Variants in VPS26A observed in about 807,000 individuals in gnomAD.
VPS26A encodes the protein VPS26 retromer complex component A.
Under a neutral mutation model 42.4 loss-of-function variants are expected in VPS26A, and 22 were observed. That is an observed-to-expected ratio of 0.52 (90% CI 0.37 to 0.74). VPS26A has a LOEUF of 0.74. Ranked by LOEUF, VPS26A falls within the 30% of genes least tolerant of loss-of-function variation. VPS26A has a pLI of 0.00. For missense variants in VPS26A, 276 were observed against 379.2 expected (o/e 0.73, Z 2.26); for synonymous variants, 110 against 123.5 (o/e 0.89, Z 0.73).
chr10:69,137,732 T>TTATACACATGTG (rs1419478816), intron 2 of VPS26A, among the ~76,000 whole-genome samples: 2 of 152,144 alleles, frequency 1.3e-5, no homozygotes, highest in African/African-American at 4.8e-5. Flanking sequence ...CTCAAGAGGA[T>TTATACACATGTG]TATACACATG....
chr10:69,143,884 T>TA (rs1204332848), intron 2 of VPS26A, among the ~76,000 whole-genome samples: 2 of 152,116 alleles, frequency 1.3e-5, no homozygotes, highest in African/African-American at 4.8e-5. Context: ...GCTCAGCTAA[T>TA]ATTTTACTAT....
chr10:69,151,284 C>CAAAAAAAAAAAAA lies in VPS26A; in HGVS notation c.154-4527_154-4526insAAAAAAAAAAAAA, dbSNP rs1162179375. The stretch of plus-strand genomic sequence containing the variant: ...CATGTCAAAAAAAAAAAAAAAAAAA[C>CAAAAAAAAAAAAA]ACACACACACACACAATTAGCCGGG... On this transcript the variant is annotated intron_variant, in intron 2 of 8. Coordinates refer to ENST00000263559, the MANE Select transcript of VPS26A (RefSeq NM_004896.5). 2.1e-4 allele frequency among the ~76,000 whole-genome samples: 23 copies of CAAAAAAAAAAAAA among 111,862 alleles called. 2 individuals are homozygous for CAAAAAAAAAAAAA. The highest frequency in any genetic ancestry group is 8.0e-4 in the African/African-American group (15 of 18,828). The allele number at this position is 111,862 out of a possible 152,430, so 73.4% of individuals were successfully genotyped here.
chr10:69,132,206 A>G (rs1311541607), intron 1 of VPS26A, among the ~76,000 whole-genome samples: 1 of 152,226 alleles, frequency 6.6e-6, no homozygotes, highest in Non-Finnish European at 1.5e-5. Flanking sequence ...CATAAATAAA[A>G]GTATAAATAA....
intron 2 of VPS26A, among the ~76,000 whole-genome samples, chr10:69,148,904 C>T (rs1025967276): frequency 2.0e-5 from 3 of 151,662 alleles, no homozygotes; most frequent in African/African-American, 4.9e-5. Context: ...TACAGGTGCC[C>T]GCCACCACGC....
chr10:69,141,334 C>G (rs1841034281), intron 2 of VPS26A, among the ~76,000 whole-genome samples: 1 of 152,168 alleles, frequency 6.6e-6, no homozygotes, highest in Non-Finnish European at 1.5e-5. Flanking sequence ...TAGCTGAGGG[C>G]CTTATTCTGT....
At chr10:69,157,335 CATT>C (rs1369095381) in intron 4 of VPS26A, among the ~76,000 whole-genome samples, 172 bp downstream of exon 4, 4 of 152,170 alleles carry the variant, frequency 2.6e-5, no homozygotes, top group African/African-American at 9.7e-5. Flanking sequence ...AGCGTTCTAA[CATT>C]ATAGAGTTAG....
At position 69,124,415 on chromosome 10, in the gene VPS26A, G is replaced by T. The variant is rs1003194398; in HGVS notation, c.3+135G>T. ...GCGGGGAGCGGGGTTAGGCCTGTCG[G>T]GCCACCCCTGGGTCTGGGAAAAGCT... On this transcript the variant is annotated intron_variant, in intron 1 of 8. Coordinates refer to ENST00000263559, the MANE Select transcript of VPS26A (RefSeq NM_004896.5). The T allele has an allele frequency of 3.0e-6, 3 of 1,001,254 alleles. No individual in the cohort carries two copies. In the African/African-American group the frequency reaches 5.1e-5, roughly 17 times the overall value. 62.0% of individuals were successfully genotyped at this position (1,001,254 alleles called of 1,614,324 possible).
chr10:69,153,887 A>G (rs540827164), intron 2 of VPS26A, among the ~76,000 whole-genome samples: 82 of 152,272 alleles, frequency 5.4e-4, no homozygotes, highest in African/African-American at 1.7e-3. Flanking sequence ...ACATCTTTCA[A>G]TAGTAGCCAG....
chr10:69,127,757 A>G (rs1840694678), intron 1 of VPS26A, among the ~76,000 whole-genome samples: 1 of 123,856 alleles, frequency 8.1e-6, no homozygotes, highest in South Asian at 2.4e-4. Flanking sequence ...TTTTTGAGAC[A>G]AGCTCTTGCT....
intron 5 of VPS26A, among the ~76,000 whole-genome samples, chr10:69,159,576 T>C (rs75274817): frequency 0.016 from 2,506 of 152,278 alleles, 73 homozygotes; most frequent in African/African-American, 0.058. Flanking sequence ...AGTGGTTATC[T>C]GTAAAGGATG....
intron 3 of VPS26A, 79 bp from the exon 4 acceptor site, chr10:69,156,928 T>A: frequency 7.6e-7 from 1 of 1,310,574 alleles, no homozygotes; most frequent in Middle Eastern, 2.8e-4. Context: ...TAAAAATCGT[T>A]TGTGTTTGAA....
chr10:69,125,575 G>T (rs1840632099), intron 1 of VPS26A, among the ~76,000 whole-genome samples: 1 of 151,860 alleles, frequency 6.6e-6, no homozygotes, highest in African/African-American at 2.4e-5. Context: ...AACTTAAAAG[G>T]TCCTCCTATT....
At position 69,173,491 on chromosome 10, in the gene VPS26A, A is replaced by T. The variant is rs1159836351; in HGVS notation, c.*2222A>T. Among the ~76,000 whole-genome samples, 1 of 152,058 alleles carries T rather than the reference A, an allele frequency of 6.6e-6. No homozygotes were observed. The highest frequency in any genetic ancestry group is 2.4e-5 in the African/African-American group (1 of 41,422). On this transcript the variant is annotated 3_prime_UTR_variant, in exon 9 of 9. Transcript: ENST00000263559. The stretch of plus-strand genomic sequence containing the variant: ...TTAACAATGAGCTGGGCATGGTGGC[A>T]TGCACCTGTATTTCCAGCTATTTAG...
At chr10:69,151,282 A>AC (rs1554854470) in intron 2 of VPS26A, among the ~76,000 whole-genome samples, 127 of 136,788 alleles carry the variant, frequency 9.3e-4, no homozygotes, top group South Asian at 1.8e-3. Flanking sequence ...AAAAAAAAAA[A>AC]ACACACACAC....
chr10:69,165,640 C>G (rs958983945), intron 6 of VPS26A, among the ~76,000 whole-genome samples: 1 of 152,088 alleles, frequency 6.6e-6, no homozygotes, highest in Non-Finnish European at 1.5e-5. Flanking sequence ...AACCCCATCT[C>G]TATCCCAAAA....
At chr10:69,143,172 A>G (rs1414802711) in intron 2 of VPS26A, among the ~76,000 whole-genome samples, 4 of 152,220 alleles carry the variant, frequency 2.6e-5, no homozygotes, top group East Asian at 1.9e-4. Flanking sequence ...TGCCACACCA[A>G]TCTAGGGTTT....
Position 69,174,302 on chromosome 10 carries a change from G to C in VPS26A, c.*3033G>C, listed in dbSNP as rs1367914097. 2.6e-5 allele frequency among the ~76,000 whole-genome samples: 4 copies of C among 152,198 alleles called. No homozygotes were observed. Among genetic ancestry groups the C allele is most frequent in the African/African-American group, 4.8e-5 (2 of 41,446 alleles). On this transcript the variant is annotated 3_prime_UTR_variant, in exon 9 of 9. Coordinates refer to ENST00000263559, the MANE Select transcript of VPS26A (RefSeq NM_004896.5). ...CACGAATTTGAAATTACACTGAGGT[G>C]ATCATGCCACTGCACTGTAGCTTGG...
At chr10:69,152,712 G>T (rs542198710) in intron 2 of VPS26A, among the ~76,000 whole-genome samples, 1 of 152,260 alleles carries the variant, frequency 6.6e-6, no homozygotes, top group East Asian at 1.9e-4. Context: ...GCTCATGCCT[G>T]TAATCCCAGC....
chr10:69,155,530 CCTTT>C (rs1373752120), intron 2 of VPS26A, among the ~76,000 whole-genome samples: 11 of 152,240 alleles, frequency 7.2e-5, no homozygotes, highest in African/African-American at 2.2e-4. Flanking sequence ...GAAGGCTGTT[CCTTT>C]CTTTGAGTCT....
Sources: allele counts gnomAD v4.1 joint callset (sites outside exome capture counted in the v4.1 genomes callset), GRCh38; gene constraint gnomAD v4.1.1; transcripts MANE v1.5; gene names NCBI Gene and HGNC (gene_info 2026-07-23, HGNC 2026-07-21).